ALK: variants seen among roughly 807,000 people sequenced by gnomAD.
The protein encoded by ALK is ALK receptor tyrosine kinase.
A neutral mutation model predicts 163.1 loss-of-function variants in ALK; 74 were observed. That is an observed-to-expected ratio of 0.45 (90% CI 0.38 to 0.55). The LOEUF (loss-of-function observed/expected upper bound fraction) is 0.55, where lower values mean the gene tolerates loss of function less well. Among genes scored for constraint, ALK ranks in the 20% least tolerant of loss-of-function variants. The pLI is 0.00. For synonymous variants in ALK, 960 were observed against 843.2 expected, an observed-to-expected ratio of 1.14 and a Z score of -2.40; for missense variants, 2,063 against 2,105.3, an observed-to-expected ratio of 0.98 and a Z score of 0.39.
intron 3 of ALK, among the ~76,000 whole-genome samples, chr2:29,556,018 G>T (rs1673847900): frequency 6.6e-6 from 1 of 152,202 alleles, no homozygotes; most frequent in African/African-American, 2.4e-5. Context: ...TCAAGAGGCT[G>T]GATTTGAAAT....
intron 3 of ALK, among the ~76,000 whole-genome samples, chr2:29,674,538 G>A (rs972574921): frequency 1.3e-5 from 2 of 150,110 alleles, no homozygotes; most frequent in Non-Finnish European, 3.0e-5. Flanking sequence ...TTTGATCATG[G>A]TGGATAAGCT....
intron 1 of ALK, among the ~76,000 whole-genome samples, chr2:29,847,733 G>C (rs1032819760): frequency 6.7e-6 from 1 of 149,664 alleles, no homozygotes; most frequent in East Asian, 2.0e-4. Flanking sequence ...AAACTTTATA[G>C]AATGGTGTTC....
intron 1 of ALK, among the ~76,000 whole-genome samples, chr2:29,802,923 C>A (rs1448877932): frequency 6.6e-6 from 1 of 151,892 alleles, no homozygotes; most frequent in African/African-American, 2.4e-5. Flanking sequence ...CCAAACCATG[C>A]ATTTTGGCTT....
Position 29,920,993 on chromosome 2 carries a change from A to C in ALK, c.-334T>G. The C allele has an allele frequency of 8.5e-6, 3 of 352,224 alleles. No individual in the cohort carries two copies. The highest frequency in any genetic ancestry group is 4.5e-5 in the East Asian group (1 of 22,334). 21.8% of individuals were successfully genotyped at this position (352,224 alleles called of 1,614,324 possible). On this transcript the variant is annotated 5_prime_UTR_variant, in exon 1 of 29. Coordinates refer to ENST00000389048, the MANE Select transcript of ALK (RefSeq NM_004304.5). ...CTGCGCTCGGTACAGAGGAACTACT[A>C]TGGTTGAAGGGAGGTGGCAGTTGGG... is the stretch of plus-strand genomic sequence containing the variant.
chr2:29,815,054 G>A (rs1465869846), intron 1 of ALK, among the ~76,000 whole-genome samples: 2 of 147,462 alleles, frequency 1.4e-5, no homozygotes, highest in Non-Finnish European at 3.0e-5. Flanking sequence ...GTATGGTGCG[G>A]GCCATTAGTG....
At chr2:29,312,904 G>A (rs1210086361) in intron 8 of ALK, among the ~76,000 whole-genome samples, 2 of 152,196 alleles carry the variant, frequency 1.3e-5, no homozygotes, top group African/African-American at 4.8e-5. Flanking sequence ...GATGAGATGG[G>A]GGTTGGACAT....
At chr2:29,785,226 CA>C (rs1216192538) in intron 1 of ALK, among the ~76,000 whole-genome samples, 1 of 151,992 alleles carries the variant, frequency 6.6e-6, no homozygotes, top group Non-Finnish European at 1.5e-5. Context: ...GAGTTAGACA[CA>C]AGCAGAGGAC....
intron 3 of ALK, among the ~76,000 whole-genome samples, chr2:29,564,818 G>T (rs894689874): frequency 2.6e-5 from 4 of 152,116 alleles, no homozygotes; most frequent in Non-Finnish European, 5.9e-5. Flanking sequence ...TAGTGTGTTT[G>T]TGTGGCCACA....
chr2:29,375,737 G>T (rs1668739112), intron 5 of ALK, among the ~76,000 whole-genome samples: 1 of 152,158 alleles, frequency 6.6e-6, no homozygotes, highest in African/African-American at 2.4e-5. Context: ...AGGTAGGAAG[G>T]AGACTTAAAT....
chr2:29,814,462 C>T (rs541319691), intron 1 of ALK, among the ~76,000 whole-genome samples: 4 of 151,938 alleles, frequency 2.6e-5, no homozygotes, highest in Non-Finnish European at 5.9e-5. Context: ...AGATCGAGAC[C>T]ATCCTGGCTA....
At chr2:29,781,469 G>A (rs192310728) in intron 1 of ALK, among the ~76,000 whole-genome samples, 1 of 152,324 alleles carries the variant, frequency 6.6e-6, no homozygotes, top group East Asian at 1.9e-4. Context: ...CCAGGAAGGA[G>A]AGAGAACATG....
At chr2:29,852,456 A>G (rs1666022662) in intron 1 of ALK, among the ~76,000 whole-genome samples, 1 of 152,202 alleles carries the variant, frequency 6.6e-6, no homozygotes, top group African/African-American at 2.4e-5. Flanking sequence ...GTTGCTGACT[A>G]TACTTTCAAA....
At chr2:29,756,268 T>C (rs531918240) in intron 1 of ALK, among the ~76,000 whole-genome samples, 2 of 152,334 alleles carry the variant, frequency 1.3e-5, no homozygotes, top group Middle Eastern at 6.8e-3. Context: ...TCCGGACCTT[T>C]TAAATGCTCT....
chr2:29,280,402 C>T (rs577546200), intron 9 of ALK, among the ~76,000 whole-genome samples: 89 of 151,474 alleles, frequency 5.9e-4, no homozygotes, highest in Non-Finnish European at 6.0e-4. Context: ...CCAGGTGGAC[C>T]ACTCTGGGAT....
At chr2:29,756,219 T>G (rs1190234766) in intron 1 of ALK, among the ~76,000 whole-genome samples, 1 of 152,350 alleles carries the variant, frequency 6.6e-6, no homozygotes. Flanking sequence ...TGGTCTTGCT[T>G]CATGGCTCAG....
At chr2:29,350,393 A>ATC (rs1247299666) in intron 5 of ALK, among the ~76,000 whole-genome samples, 1 of 152,162 alleles carries the variant, frequency 6.6e-6, no homozygotes, top group Non-Finnish European at 1.5e-5. Context: ...CCCCTTGGTG[A>ATC]TCCCTATGGC....
At chr2:29,899,115 G>A (rs374303323) in intron 1 of ALK, among the ~76,000 whole-genome samples, 2 of 152,208 alleles carry the variant, frequency 1.3e-5, no homozygotes, top group East Asian at 1.9e-4. Context: ...CCCTACCCCC[G>A]ACCTACTGAA....
intron 3 of ALK, among the ~76,000 whole-genome samples, chr2:29,570,524 A>C (rs55946001): frequency 5.3e-5 from 8 of 152,006 alleles, no homozygotes; most frequent in Non-Finnish European, 4.4e-5. Flanking sequence ...GGGATTGTAA[A>C]GGTCAAACAG....
intron 1 of ALK, among the ~76,000 whole-genome samples, chr2:29,863,920 C>T (rs1666358817): frequency 6.6e-6 from 1 of 152,190 alleles, no homozygotes; most frequent in Non-Finnish European, 1.5e-5. Flanking sequence ...TCTGGCTTCT[C>T]CTCTTTTATC....
Sources: allele counts gnomAD v4.1 joint callset (sites outside exome capture counted in the v4.1 genomes callset), GRCh38; gene constraint gnomAD v4.1.1; transcripts MANE v1.5; gene names NCBI Gene and HGNC (gene_info 2026-07-23, HGNC 2026-07-21).